AAK1: variants seen among roughly 807,000 people sequenced by gnomAD.
The protein encoded by AAK1 is AP2 associated kinase 1, also known as AP2-associated protein kinase 1.
A neutral mutation model predicts 116.0 loss-of-function variants in AAK1; 37 were observed. The observed-to-expected ratio is 0.32, with a 90% confidence interval of 0.25 to 0.42. The LOEUF (loss-of-function observed/expected upper bound fraction) is 0.42, where lower values mean the gene tolerates loss of function less well. AAK1 is among the 10% of genes least tolerant of loss of function. AAK1 has a pLI of 1.00. For missense variants in AAK1, 919 were observed against 1,170.6 expected (o/e 0.79, Z 3.14); for synonymous variants, 458 against 439.9 (o/e 1.04, Z -0.51).
At chr2:69,625,430 T>G (rs1430331240) in intron 2 of AAK1, among the ~76,000 whole-genome samples, 4 of 152,222 alleles carry the variant, frequency 2.6e-5, no homozygotes, top group Non-Finnish European at 5.9e-5. Context: ...GCAAACACCC[T>G]AACAGATCTA....
intron 2 of AAK1, among the ~76,000 whole-genome samples, chr2:69,561,094 C>A (rs1041463771): frequency 1.3e-5 from 2 of 152,180 alleles, no homozygotes; most frequent in African/African-American, 4.8e-5. Flanking sequence ...CAACAAGTCA[C>A]CTTTTAAATT....
chr2:69,510,168 G>C (rs146523956), intron 13 of AAK1, among the ~76,000 whole-genome samples: 19 of 152,284 alleles, frequency 1.2e-4, no homozygotes, highest in Non-Finnish European at 2.2e-4. Context: ...TAGTACACAA[G>C]AGTTATTTTT....
chr2:69,530,914 C>T (rs1670228838), intron 6 of AAK1, among the ~76,000 whole-genome samples: 1 of 152,184 alleles, frequency 6.6e-6, no homozygotes, highest in Middle Eastern at 3.2e-3. Context: ...CAGCAGTCCT[C>T]CTAGTCTAAG....
At chr2:69,627,892 G>A (rs148162154) in intron 2 of AAK1, among the ~76,000 whole-genome samples, 13 of 152,230 alleles carry the variant, frequency 8.5e-5, no homozygotes, top group Admixed American at 2.6e-4. Context: ...ACTGAAGCCC[G>A]TCTCTTTTCC....
At chr2:69,598,472 A>C (rs919670312) in intron 2 of AAK1, 1 of 208,070 alleles carries the variant, frequency 4.8e-6, no homozygotes, top group African/African-American at 2.3e-5. Context: ...GAATTTCTTA[A>C]AAGTGGATAT....
At chr2:69,638,801 T>C (rs10209425) in intron 2 of AAK1, among the ~76,000 whole-genome samples, 17,754 of 152,138 alleles carry the variant, frequency 0.12, 2,333 homozygotes, top group African/African-American at 0.31. Flanking sequence ...CCAGGCTCTT[T>C]ATCATAACAT....
rs1675826445 is a variant in AAK1 at position 69,643,194 on chromosome 2, GA to G, written c.-155del. 1 of 1,433,550 alleles carries G rather than the reference GA, an allele frequency of 7.0e-7. No individual in the cohort carries two copies. Among genetic ancestry groups the G allele is most frequent in the African/African-American group, 1.4e-5 (1 of 69,452 alleles). The allele number at this position is 1,433,550 out of a possible 1,614,324, so 88.8% of individuals were successfully genotyped here. A position where few individuals can be genotyped will look rare whatever the true frequency, so the allele number is the denominator to read the frequency against. On this transcript the variant is annotated 5_prime_UTR_variant, in exon 2 of 22. Transcript: ENST00000409085. ...CCGGCCGTGGGGGTGGGGGCTGAGG[GA>G]GGATGCCTATAGGAATATGCGTGTC...
At chr2:69,640,080 C>CTCTCTCTCTCTCTCTCTCTCT (rs1491472917) in intron 2 of AAK1, among the ~76,000 whole-genome samples, 1 of 128,590 alleles carries the variant, frequency 7.8e-6, no homozygotes. Context: ...CTCTCTCTCT[C>CTCTCTCTCTCTCTCTCTCTCT]CCCCCCCACA....
At chr2:69,594,040 C>A (rs1572989225) in intron 2 of AAK1, among the ~76,000 whole-genome samples, 2 of 152,086 alleles carry the variant, frequency 1.3e-5, no homozygotes, top group East Asian at 3.8e-4. Context: ...TTAATAAAAA[C>A]AAGAAAGAAT....
intron 2 of AAK1, among the ~76,000 whole-genome samples, chr2:69,626,258 A>G (rs1319919630): frequency 4.0e-5 from 6 of 151,664 alleles, no homozygotes; most frequent in Middle Eastern, 3.2e-3. Context: ...TAAAAATAAT[A>G]CAATTATTAT....
At chr2:69,494,375 C>A (rs1423933081) in intron 17 of AAK1, among the ~76,000 whole-genome samples, 1 of 152,178 alleles carries the variant, frequency 6.6e-6, no homozygotes, top group Non-Finnish European at 1.5e-5. Context: ...ATGTGCCTGG[C>A]TCTTCAACCC....
Position 69,513,618 on chromosome 2 carries a change from C to A in AAK1, c.1776+853G>T, listed in dbSNP as rs146504113. Among the ~76,000 whole-genome samples the A allele has an allele frequency of 4.6e-3, 697 of 152,308 alleles. 4 individuals are homozygous for A. The highest frequency in any genetic ancestry group is 0.016 in the African/African-American group (664 of 41,552). ...GATTACAGGCGTGAGGCCACTGTGC[C>A]CAGCAGAAAGATGGCTTCTTACTTT... On this transcript the variant is annotated intron_variant, in intron 13 of 21. Coordinates refer to ENST00000409085, the MANE Select transcript of AAK1 (RefSeq NM_014911.5).
chr2:69,642,813 A>G, intron 2 of AAK1, 65 bp downstream of exon 2: 2 of 1,606,060 alleles, frequency 1.2e-6, no homozygotes, highest in Non-Finnish European at 8.5e-7. Flanking sequence ...TGCAACAACT[A>G]GAAACCACAG....
chr2:69,513,131 C>T (rs764186910), intron 13 of AAK1, among the ~76,000 whole-genome samples: 2 of 152,146 alleles, frequency 1.3e-5, no homozygotes, highest in Non-Finnish European at 2.9e-5. Flanking sequence ...AATACAGAGA[C>T]TCACTGTCTA....
At chr2:69,523,840 C>T (rs1166848826) in intron 10 of AAK1, among the ~76,000 whole-genome samples, 1 of 152,202 alleles carries the variant, frequency 6.6e-6, no homozygotes, top group Admixed American at 6.5e-5. Flanking sequence ...GGCTGACTGG[C>T]ACAAGGACCC....
At chr2:69,517,909 T>G (rs1327887988) in intron 12 of AAK1, among the ~76,000 whole-genome samples, 2 of 152,130 alleles carry the variant, frequency 1.3e-5, no homozygotes, top group African/African-American at 4.8e-5. Flanking sequence ...GAGGATGGCT[T>G]GAGGCCGGGA....
chr2:69,571,568 A>C (rs572601680), intron 2 of AAK1, among the ~76,000 whole-genome samples: 1 of 152,370 alleles, frequency 6.6e-6, no homozygotes, highest in African/African-American at 2.4e-5. Context: ...TCTGTAGAAC[A>C]TATGAGCTCA....
intron 2 of AAK1, among the ~76,000 whole-genome samples, chr2:69,613,778 C>A (rs1186092267): frequency 6.6e-6 from 1 of 152,224 alleles, no homozygotes; most frequent in African/African-American, 2.4e-5. Flanking sequence ...CCTGGTTGTT[C>A]ATTTGTATCC....
At chr2:69,559,622 T>C (rs978578453) in intron 2 of AAK1, among the ~76,000 whole-genome samples, 1 of 152,234 alleles carries the variant, frequency 6.6e-6, no homozygotes, top group Non-Finnish European at 1.5e-5. Flanking sequence ...CTAGAGAGTA[T>C]TAAGTCCAAG....
Sources: gnomAD v4.1 joint callset for allele counts (sites outside exome capture counted in the v4.1 genomes callset) on GRCh38, gnomAD v4.1.1 for gene constraint, MANE v1.5 for transcripts, NCBI Gene and HGNC (gene_info 2026-07-23, HGNC 2026-07-21) for gene names.